The following RPS6KA2 variants were observed in gnomAD, a reference collection of about 807,000 sequenced individuals.
The protein encoded by RPS6KA2 is ribosomal protein S6 kinase A2.
A neutral mutation model predicts 91.8 loss-of-function variants in RPS6KA2; 42 were observed. The ratio of observed to expected loss-of-function variants is 0.46; its 90% CI spans 0.36 to 0.59. The LOEUF (loss-of-function observed/expected upper bound fraction) is 0.59. Among genes scored for constraint, RPS6KA2 ranks in the 20% least tolerant of loss-of-function variants. The probability of loss-of-function intolerance (pLI) is 0.00; values close to 1 mark genes in which losing one functional copy is unlikely to be tolerated. For synonymous variants in RPS6KA2, 414 were observed against 393.6 expected (o/e 1.05, Z -0.61); for missense variants, 798 against 978.5 (o/e 0.82, Z 2.46).
chr6:166,523,536 G>A (rs936861577), intron 3 of RPS6KA2, among the ~76,000 whole-genome samples: 1 of 152,040 alleles, frequency 6.6e-6, no homozygotes, highest in Non-Finnish European at 1.5e-5. Flanking sequence ...TTGTGCCTTA[G>A]TTTCATCATT....
chr6:166,860,483 C>T (rs1337249828), intron 1 of RPS6KA2, among the ~76,000 whole-genome samples: 2 of 152,204 alleles, frequency 1.3e-5, no homozygotes, highest in African/African-American at 4.8e-5. Flanking sequence ...CTATTCATTG[C>T]TGATCCATTT....
chr6:166,424,179 C>T (rs1301044140), intron 16 of RPS6KA2, among the ~76,000 whole-genome samples: 2 of 152,172 alleles, frequency 1.3e-5, no homozygotes, highest in African/African-American at 4.8e-5. Context: ...AGCAGTCAGG[C>T]CTGGTTTACA....
intron 14 of RPS6KA2, among the ~76,000 whole-genome samples, chr6:166,438,422 T>G (rs1045061429): frequency 3.3e-5 from 5 of 152,246 alleles, no homozygotes; most frequent in African/African-American, 1.2e-4. Context: ...GCCGCGTCAC[T>G]ACAGTTAACA....
intron 2 of RPS6KA2, among the ~76,000 whole-genome samples, chr6:166,739,851 G>T (rs1266837377): frequency 2.6e-5 from 4 of 152,230 alleles, no homozygotes; most frequent in Non-Finnish European, 2.9e-5. Context: ...CAGGAGGGCA[G>T]TCGGGACAAG....
intron 11 of RPS6KA2, among the ~76,000 whole-genome samples, chr6:166,463,667 T>C (rs1223843763): frequency 6.6e-6 from 1 of 152,152 alleles, no homozygotes; most frequent in Non-Finnish European, 1.5e-5. Context: ...AGATGCTAGT[T>C]TGGGGTCTCA....
chr6:166,835,821 C>G (rs1363317040), intron 2 of RPS6KA2, among the ~76,000 whole-genome samples: 1 of 152,200 alleles, frequency 6.6e-6, no homozygotes, highest in African/African-American at 2.4e-5. Flanking sequence ...AAGGCAAAAG[C>G]CTTCCATCTT....
In RPS6KA2 at chr6:166,612,647, C is replaced by G. The variant is rs557970366; in HGVS notation, c.99+14274G>C. Among the ~76,000 whole-genome samples the G allele has an allele frequency of 6.6e-6, 1 of 152,266 alleles. No homozygotes were observed. Among genetic ancestry groups the G allele is most frequent in the African/African-American group, 2.4e-5 (1 of 41,556 alleles). On this transcript the variant is annotated intron_variant, in intron 1 of 20. Coordinates refer to ENST00000265678, the MANE Select transcript of RPS6KA2 (RefSeq NM_021135.6). The surrounding 1 kb of genome is among the most constrained non-coding windows in gnomAD (Gnocchi z 4.3). ...CTTTGCAGAGCCCGTGGGCTGTGCT[C>G]CATTTATCACTCTGTCCGGGCGTCT...
intron 1 of RPS6KA2, among the ~76,000 whole-genome samples, chr6:166,861,869 A>G (rs890669288): frequency 6.6e-6 from 1 of 152,230 alleles, no homozygotes; most frequent in Admixed American, 6.5e-5. Context: ...TGTTTCTTGT[A>G]CTCATTATCA....
intron 2 of RPS6KA2, among the ~76,000 whole-genome samples, chr6:166,649,294 T>C (rs1308452565): frequency 6.6e-6 from 1 of 152,184 alleles, no homozygotes; most frequent in Non-Finnish European, 1.5e-5. Context: ...AAGTCCAAAC[T>C]TAAATAGGAC....
At chr6:166,618,746 G>A (rs1407619199) in intron 1 of RPS6KA2, among the ~76,000 whole-genome samples, 1 of 152,210 alleles carries the variant, frequency 6.6e-6, no homozygotes, top group Non-Finnish European at 1.5e-5. Flanking sequence ...CTCTTCTCCT[G>A]CCTCACGCAC....
intron 2 of RPS6KA2, among the ~76,000 whole-genome samples, chr6:166,740,103 C>T (rs1424506632): frequency 6.6e-6 from 1 of 152,198 alleles, no homozygotes; most frequent in East Asian, 1.9e-4. Context: ...TATGAACATG[C>T]TCTTCGTGGC....
At chr6:166,426,914 C>G (rs1377828001) in intron 16 of RPS6KA2, among the ~76,000 whole-genome samples, 105 of 148,130 alleles carry the variant, frequency 7.1e-4, no homozygotes, top group African/African-American at 2.5e-3. Flanking sequence ...CTATTCCAAT[C>G]AATAGAAAAA....
chr6:166,591,794 C>T (rs978288198), intron 1 of RPS6KA2, among the ~76,000 whole-genome samples: 1 of 152,170 alleles, frequency 6.6e-6, no homozygotes, highest in Non-Finnish European at 1.5e-5. Flanking sequence ...AAAACTAACC[C>T]AGCATTTAGT....
At chr6:166,416,123 T>TCACCACCACCTCCAC (rs1562478592) in intron 19 of RPS6KA2, among the ~76,000 whole-genome samples, 5 of 684 alleles carry the variant, frequency 7.3e-3, no homozygotes, top group African/African-American at 0.017. Flanking sequence ...TCACCATCCT[T>TCACCACCACCTCCAC]CATCACCCCC....
At chr6:166,769,409 G>C (rs1453995478) in intron 2 of RPS6KA2, among the ~76,000 whole-genome samples, 1 of 152,194 alleles carries the variant, frequency 6.6e-6, no homozygotes, top group Admixed American at 6.5e-5. Context: ...GAAAGGAATA[G>C]AAGACGGTGT....
chr6:166,687,898 C>T (rs1430088682), intron 2 of RPS6KA2, among the ~76,000 whole-genome samples: 2 of 152,108 alleles, frequency 1.3e-5, no homozygotes, highest in Non-Finnish European at 2.9e-5. Flanking sequence ...AGGAGTGAGA[C>T]CTGGAAGATA....
chr6:166,521,809 G>C (rs1429709476), intron 3 of RPS6KA2, among the ~76,000 whole-genome samples: 3 of 152,220 alleles, frequency 2.0e-5, no homozygotes, highest in African/African-American at 7.2e-5. Context: ...AGGGACTGGG[G>C]TGGAACGCCA....
At chr6:166,834,729 G>A (rs544478756) in intron 2 of RPS6KA2, among the ~76,000 whole-genome samples, 27 of 152,172 alleles carry the variant, frequency 1.8e-4, no homozygotes, top group African/African-American at 6.5e-4. Flanking sequence ...TCTTTTATGA[G>A]GTATGTGTTT....
At chr6:166,644,698 G>T (rs988665125) in intron 2 of RPS6KA2, among the ~76,000 whole-genome samples, 1 of 152,222 alleles carries the variant, frequency 6.6e-6, no homozygotes, top group African/African-American at 2.4e-5. Flanking sequence ...AACATAATGA[G>T]TGCTGTGGCT....
Sources: gnomAD v4.1 joint callset for allele counts (sites outside exome capture counted in the v4.1 genomes callset) on GRCh38, gnomAD v4.1.1 for gene constraint, Gnocchi (gnomAD v3.1) non-coding constraint, MANE v1.5 for transcripts, NCBI Gene and HGNC (gene_info 2026-07-23, HGNC 2026-07-21) for gene names.